TSPAN3: variants seen among roughly 807,000 people sequenced by gnomAD.
The protein encoded by TSPAN3 is tetraspanin 3.
In TSPAN3, 9 loss-of-function variants were observed where a neutral mutation model predicts 31.1. That is an observed-to-expected ratio of 0.29 (90% confidence interval 0.17 to 0.50). The LOEUF is 0.50. Among genes scored for constraint, TSPAN3 ranks in the 20% least tolerant of loss-of-function variants. The pLI, the probability that TSPAN3 is intolerant of heterozygous loss-of-function variation, is 0.98. For synonymous variants in TSPAN3, 129 were observed against 114.3 expected, an observed-to-expected ratio of 1.13 and a Z score of -0.82; for missense variants, 252 against 313.5, an observed-to-expected ratio of 0.80 and a Z score of 1.48.
At chr15:77,069,177 T>C (rs922838966) in intron 1 of TSPAN3, among the ~76,000 whole-genome samples, 8 of 152,212 alleles carry the variant, frequency 5.3e-5, no homozygotes, top group African/African-American at 1.4e-4. Context: ...GGGCCAGAGA[T>C]TGCTGACTCC....
At chr15:77,063,133 C>T (rs988058388) in intron 1 of TSPAN3, among the ~76,000 whole-genome samples, 3 of 152,164 alleles carry the variant, frequency 2.0e-5, no homozygotes, top group Non-Finnish European at 4.4e-5. Flanking sequence ...GACACCTCTT[C>T]CATCCTAAAT....
rs143420638 is a variant in TSPAN3 at position 77,070,993 on chromosome 15, G to C, written c.-39C>G. ...CGCGAAGGCCCGGCCCGGAGAGCGGGGCTGCGCTCACCGAGAGAGCGGCAA... is the reference window on the plus strand; with the variant it reads ...CGCGAAGGCCCGGCCCGGAGAGCGGCGCTGCGCTCACCGAGAGAGCGGCAA... On this transcript the variant is annotated 5_prime_UTR_variant, in exon 1 of 7. Coordinates refer to ENST00000267970, the MANE Select transcript of TSPAN3 (RefSeq NM_005724.6). 7.3e-6 allele frequency: 10 copies of C among 1,368,728 alleles called. No individual in the cohort carries two copies. Among genetic ancestry groups the C allele is most frequent in the Non-Finnish European group, 7.6e-6 (8 of 1,050,620 alleles). The allele number at this position is 1,368,728 out of a possible 1,614,324, so 84.8% of individuals were successfully genotyped here.
intron 1 of TSPAN3, among the ~76,000 whole-genome samples, chr15:77,068,965 A>T (rs746433142): frequency 6.6e-6 from 1 of 152,214 alleles, no homozygotes; most frequent in Non-Finnish European, 1.5e-5. Context: ...AAGTGTCTTT[A>T]TAACAGAATG....
intron 1 of TSPAN3, chr15:77,069,935 A>G (rs555395484): frequency 2.0e-5 from 3 of 152,276 alleles, no homozygotes; most frequent in African/African-American, 7.2e-5. Flanking sequence ...TTCTGCTCCA[A>G]GACCAGGGGA....
At position 77,045,127 on chromosome 15, in the gene TSPAN3, C is replaced by G. The variant is rs1178159131; in HGVS notation, c.*1708G>C. 2.6e-5 allele frequency: 4 copies of G among 152,186 alleles called. No individual in the cohort carries two copies. The highest frequency in any genetic ancestry group is 5.9e-5 in the Non-Finnish European group (4 of 68,044). 9.4% of individuals were successfully genotyped at this position (152,186 alleles called of 1,614,324 possible). On this transcript the variant is annotated 3_prime_UTR_variant, in exon 7 of 7. Transcript: ENST00000267970. The stretch of plus-strand genomic sequence containing the variant: ...CAAAACTGACCATGAGTCACACCCC[C>G]AGATGTGTTCTCTAACTACTCCCTA...
intron 5 of TSPAN3, 62 bp from the exon 6 acceptor site, chr15:77,052,530 C>A (rs2152695814): frequency 6.9e-7 from 1 of 1,458,808 alleles, no homozygotes; most frequent in Non-Finnish European, 9.6e-7. Context: ...TGCAGATTCA[C>A]AGGCCACTAC....
rs1253554183 is a variant in TSPAN3, at chr15:77,042,789, T to C, written c.*4046A>G. ...GGGAAGAGTCTCATGAGGAACAGGG[T>C]ATGTACATGGAGACAGTGTGTCTCC... On this transcript the variant is annotated 3_prime_UTR_variant, in exon 7 of 7. Coordinates refer to ENST00000267970, the MANE Select transcript of TSPAN3 (RefSeq NM_005724.6). The C allele has an allele frequency of 1.3e-5, 2 of 151,810 alleles. No individual in the cohort carries two copies. The highest frequency in any genetic ancestry group is 1.3e-4 in the Admixed American group (2 of 15,232). The allele number at this position is 151,810 out of a possible 1,614,324, so 9.4% of individuals were successfully genotyped here.
At chr15:77,064,297 C>CA (rs1459929116) in intron 1 of TSPAN3, 1 of 152,158 alleles carries the variant, frequency 6.6e-6, no homozygotes, top group Non-Finnish European at 1.5e-5. Flanking sequence ...CATTAGCTGT[C>CA]AGACTACAGG....
At chr15:77,051,771 T>A (rs2076732680) in intron 6 of TSPAN3, among the ~76,000 whole-genome samples, 1 of 151,864 alleles carries the variant, frequency 6.6e-6, no homozygotes, top group East Asian at 1.9e-4. Context: ...AGCAGGAGGA[T>A]CGCTTGAGCC....
chr15:77,043,463 C>T lies in TSPAN3; in HGVS notation c.*3372G>A, dbSNP rs926350434. The T allele has an allele frequency of 2.6e-5, 4 of 152,292 alleles. No homozygotes were observed. The highest frequency in any genetic ancestry group is 2.6e-4 in the Admixed American group (4 of 15,286). The allele number at this position is 152,292 out of a possible 1,614,324, so 9.4% of individuals were successfully genotyped here. On this transcript the variant is annotated 3_prime_UTR_variant, in exon 7 of 7. Coordinates refer to ENST00000267970, the MANE Select transcript of TSPAN3 (RefSeq NM_005724.6). ...TGGGGCAGATGGGCATTGTGTGCCT[C>T]GAGATGCGATGCCCTGAGAGGCCGC...
intron 1 of TSPAN3, among the ~76,000 whole-genome samples, chr15:77,061,756 T>C (rs1353078182): frequency 1.3e-5 from 2 of 152,126 alleles, no homozygotes; most frequent in Non-Finnish European, 1.5e-5. Context: ...AAGCAAAGAA[T>C]AGAAGTGATT....
chr15:77,055,305 C>T (rs2076761631), intron 3 of TSPAN3: 1 of 152,926 alleles, frequency 6.5e-6, no homozygotes, highest in Non-Finnish European at 1.5e-5. Flanking sequence ...GGAGTGCTGG[C>T]ACCAGCTGCC....
chr15:77,059,495 CAT>C (rs1237909834), intron 1 of TSPAN3, among the ~76,000 whole-genome samples: 8 of 152,344 alleles, frequency 5.3e-5, no homozygotes, highest in Middle Eastern at 3.4e-3. Context: ...TATTCACACA[CAT>C]GTACACACAC....
rs2076669857 is a variant in TSPAN3, at chr15:77,043,223, G to A, written c.*3612C>T. 1 of 152,158 alleles carries A rather than the reference G, an allele frequency of 6.6e-6. No individual in the cohort carries two copies. The highest frequency in any genetic ancestry group is 2.4e-5 in the African/African-American group (1 of 41,382). The allele number at this position is 152,158 out of a possible 1,614,324, so 9.4% of individuals were successfully genotyped here. A position where few individuals can be genotyped will look rare whatever the true frequency, so the allele number is the denominator to read the frequency against. On this transcript the variant is annotated 3_prime_UTR_variant, in exon 7 of 7. Transcript: ENST00000267970. The stretch of plus-strand genomic sequence containing the variant: ...ACCCCTCGGAGGTCTCTCCACCTTG[G>A]GGAACCTCCTCTGAGTTTCCACGTT...
chr15:77,066,567 G>C lies in TSPAN3; in HGVS notation c.63+4325C>G, dbSNP rs529959755. On this transcript the variant is annotated intron_variant, in intron 1 of 6. Transcript: ENST00000267970. ...AGCCTGGGCGACAGAGTAAGACTTC[G>C]TCTCAAAAAAAAAAAAAAAAAAAAA... Among the ~76,000 whole-genome samples, 458 of 62,450 alleles carry C rather than the reference G, an allele frequency of 7.3e-3. 4 individuals are homozygous for C. Among genetic ancestry groups the C allele is most frequent in the African/African-American group, 0.035 (437 of 12,436 alleles). 41.0% of individuals were successfully genotyped at this position (62,450 alleles called of 152,430 possible).
At chr15:77,056,019 T>C (rs1451706614) in intron 2 of TSPAN3, 45 bp downstream of exon 2, 2 of 1,556,880 alleles carry the variant, frequency 1.3e-6, no homozygotes, top group South Asian at 1.2e-5. Flanking sequence ...TCAAGGAGAG[T>C]AGCATAGACT....
intron 1 of TSPAN3, chr15:77,067,672 T>G (rs777145586): frequency 8.5e-5 from 13 of 152,180 alleles, no homozygotes; most frequent in Non-Finnish European, 1.8e-4. Flanking sequence ...AAGAATACAT[T>G]TATTAGAACT....
chr15:77,045,204 C>T lies in TSPAN3; in HGVS notation c.*1631G>A, dbSNP rs1402795020. ...ACTGAGCCAGAAACCTGGGACTCAT[C>T]CTAGATGAGTCTTCTCTTCTCCCTT... On this transcript the variant is annotated 3_prime_UTR_variant, in exon 7 of 7. Coordinates refer to ENST00000267970, the MANE Select transcript of TSPAN3 (RefSeq NM_005724.6). 6.6e-6 allele frequency: 1 copy of T among 152,222 alleles called. No individual in the cohort carries two copies. The highest frequency in any genetic ancestry group is 1.5e-5 in the Non-Finnish European group (1 of 68,100). The allele number at this position is 152,222 out of a possible 1,614,324, so 9.4% of individuals were successfully genotyped here.
rs760001502 is a variant in TSPAN3 at position 77,046,947 on chromosome 15, A to G, written c.670-20T>C. On this transcript the variant is annotated intron_variant, in intron 6 of 6. Transcript: ENST00000267970. ...CAGCAGCTGTTGAAAGAAAACAACA[A>G]TGGGGAAAAAAGGCTGAAAACCCTC... 1.9e-6 allele frequency: 3 copies of G among 1,551,174 alleles called. No individual in the cohort carries two copies. In the South Asian group the frequency reaches 3.5e-5, roughly 18 times the overall value.
Sources: allele counts gnomAD v4.1 joint callset (sites outside exome capture counted in the v4.1 genomes callset), GRCh38; gene constraint gnomAD v4.1.1; transcripts MANE v1.5; gene names NCBI Gene and HGNC (gene_info 2026-07-23, HGNC 2026-07-21).